CACNA2D1: variants seen among roughly 807,000 people sequenced by gnomAD.
CACNA2D1 encodes voltage-dependent calcium channel subunit alpha-2/delta-1.
In CACNA2D1, 53 loss-of-function variants were observed where a neutral mutation model predicts 171.5. The observed-to-expected ratio is 0.31, with a 90% CI of 0.25 to 0.39. The LOEUF is 0.39. Ranked by LOEUF, CACNA2D1 falls within the 10% of genes least tolerant of loss-of-function variation. The probability of loss-of-function intolerance (pLI) is 1.00; values close to 1 mark genes in which losing one functional copy is unlikely to be tolerated. For synonymous variants in CACNA2D1, 442 were observed against 443.1 expected (o/e 1.00, Z 0.03); for missense variants, 903 against 1,299.8 (o/e 0.69, Z 4.69).
chr7:82,160,476 A>G (rs1230130106), intron 4 of CACNA2D1, among the ~76,000 whole-genome samples: 1 of 152,084 alleles, frequency 6.6e-6, no homozygotes. Flanking sequence ...AGAACATAAG[A>G]CAAACCTTAA....
At chr7:82,174,674 T>TA (rs890147869) in intron 3 of CACNA2D1, among the ~76,000 whole-genome samples, 1 of 151,904 alleles carries the variant, frequency 6.6e-6, no homozygotes, top group African/African-American at 2.4e-5. Flanking sequence ...TTTAGGTTAA[T>TA]AAAAAAATCC....
intron 1 of CACNA2D1, among the ~76,000 whole-genome samples, chr7:82,426,826 G>C (rs1423700561): frequency 6.6e-6 from 1 of 152,040 alleles, no homozygotes; most frequent in African/African-American, 2.4e-5. Context: ...CCTTATTCAA[G>C]GTTTTGCTCT....
chr7:82,279,712 A>T (rs1315538082), intron 3 of CACNA2D1, among the ~76,000 whole-genome samples: 8 of 152,162 alleles, frequency 5.3e-5, no homozygotes, highest in Non-Finnish European at 8.8e-5. Context: ...TGCTCCTTTA[A>T]TAGTTCCTTT....
chr7:82,068,381 A>G (rs1216516861), intron 7 of CACNA2D1, among the ~76,000 whole-genome samples: 1 of 152,128 alleles, frequency 6.6e-6, no homozygotes, highest in African/African-American at 2.4e-5. Flanking sequence ...GTGGGCCATG[A>G]CCATGGCCTC....
At chr7:81,983,042 A>G (rs763191492) in intron 23 of CACNA2D1, among the ~76,000 whole-genome samples, 6 of 152,208 alleles carry the variant, frequency 3.9e-5, no homozygotes, top group Non-Finnish European at 8.8e-5. Flanking sequence ...GTGAGTTAAT[A>G]ACATTCCTCA....
chr7:82,037,382 G>A (rs929953016), intron 11 of CACNA2D1, among the ~76,000 whole-genome samples: 5 of 152,248 alleles, frequency 3.3e-5, no homozygotes, highest in Middle Eastern at 3.4e-3. Flanking sequence ...GGGAGGCTGA[G>A]GCAGGAAAAT....
intron 3 of CACNA2D1, among the ~76,000 whole-genome samples, chr7:82,269,811 C>T (rs910340347): frequency 2.3e-4 from 35 of 152,152 alleles, no homozygotes; most frequent in African/African-American, 8.4e-4. Context: ...TCCAATGTCA[C>T]AGCAATTTTT....
chr7:81,991,158 C>T (rs529064644), intron 21 of CACNA2D1, 27 bp downstream of exon 21: 40 of 1,105,322 alleles, frequency 3.6e-5, no homozygotes, highest in South Asian at 2.5e-4. Context: ...TTGGAATACA[C>T]AATACACATA....
intron 3 of CACNA2D1, among the ~76,000 whole-genome samples, chr7:82,330,999 C>A (rs776236127): frequency 2.6e-5 from 4 of 152,054 alleles, no homozygotes; most frequent in Non-Finnish European, 5.9e-5. Context: ...CTATCTCTGT[C>A]CTGATCTACT....
chr7:82,302,746 C>T (rs1813189339), intron 3 of CACNA2D1, among the ~76,000 whole-genome samples: 1 of 152,018 alleles, frequency 6.6e-6, no homozygotes, highest in Non-Finnish European at 1.5e-5. Context: ...AAAATTTATT[C>T]AAGCAATAAT....
At chr7:82,018,195 A>G (rs1800742378) in intron 12 of CACNA2D1, among the ~76,000 whole-genome samples, 1 of 152,218 alleles carries the variant, frequency 6.6e-6, no homozygotes. Flanking sequence ...CAACAGAAAT[A>G]CTGTGGGAAG....
chr7:82,376,078 A>G (rs752544666), intron 1 of CACNA2D1, among the ~76,000 whole-genome samples: 1 of 152,144 alleles, frequency 6.6e-6, no homozygotes, highest in Non-Finnish European at 1.5e-5. Context: ...AAAAACATAC[A>G]CAAAAAAAAA....
Position 82,164,348 on chromosome 7 carries a change from G to A in CACNA2D1, c.354+6202C>T, listed in dbSNP as rs189610619. 9.9e-5 allele frequency among the ~76,000 whole-genome samples: 15 copies of A among 152,030 alleles called. No homozygotes were observed. The East Asian group carries it at 2.5e-3, about 26-fold the overall frequency. On this transcript the variant is annotated intron_variant, in intron 4 of 38. Transcript: ENST00000356860. ...TTTTAGCAGTTAAAAGTGAAGAAAG[G>A]AAAACTACACAGTGAGCTATACTTG...
intron 3 of CACNA2D1, among the ~76,000 whole-genome samples, chr7:82,227,721 G>T (rs1198776307): frequency 6.6e-6 from 1 of 152,098 alleles, no homozygotes; most frequent in African/African-American, 2.4e-5. Context: ...TAAAGCCAGA[G>T]ATTTTGCAAT....
intron 3 of CACNA2D1, among the ~76,000 whole-genome samples, chr7:82,186,596 T>C (rs997675124): frequency 6.6e-6 from 1 of 152,178 alleles, no homozygotes; most frequent in Non-Finnish European, 1.5e-5. Flanking sequence ...CGTTACCATG[T>C]ATACAGATAG....
At chr7:82,224,501 T>C (rs891073839) in intron 3 of CACNA2D1, among the ~76,000 whole-genome samples, 1 of 152,022 alleles carries the variant, frequency 6.6e-6, no homozygotes, top group Non-Finnish European at 1.5e-5. Flanking sequence ...CAGAATTGCT[T>C]GAACCCAGGA....
At chr7:82,009,043 T>C (rs886175775) in intron 15 of CACNA2D1, 1 of 152,178 alleles carries the variant, frequency 6.6e-6, no homozygotes, top group Non-Finnish European at 1.5e-5. Flanking sequence ...GTAGTTCCCA[T>C]AATCCCCACG....
chr7:82,392,388 C>A (rs1234061354), intron 1 of CACNA2D1, among the ~76,000 whole-genome samples: 1 of 152,202 alleles, frequency 6.6e-6, no homozygotes, highest in Non-Finnish European at 1.5e-5. Flanking sequence ...CAGTAAAATT[C>A]TTCTCTGCCA....
At chr7:82,021,936 CA>C (rs2131031163) in intron 12 of CACNA2D1, among the ~76,000 whole-genome samples, 1 of 152,008 alleles carries the variant, frequency 6.6e-6, no homozygotes, top group Admixed American at 6.6e-5. Flanking sequence ...TTAACACAAA[CA>C]ATGGGCAATC....
Sources: allele counts gnomAD v4.1 joint callset (sites outside exome capture counted in the v4.1 genomes callset), GRCh38; gene constraint gnomAD v4.1.1; transcripts MANE v1.5; gene names NCBI Gene and HGNC (gene_info 2026-07-23, HGNC 2026-07-21).